Variants in SPAG16 observed in about 807,000 individuals in gnomAD.
The protein encoded by SPAG16 is sperm associated antigen 16, also known as sperm-associated antigen 16 protein.
A neutral mutation model predicts 80.4 loss-of-function variants in SPAG16; 86 were observed. That is an observed-to-expected ratio of 1.07 (90% CI 0.90 to 1.28). The LOEUF (loss-of-function observed/expected upper bound fraction) is 1.28. Among genes scored for constraint, SPAG16 ranks in the 50% most tolerant of loss-of-function variants. The pLI, the probability that SPAG16 is intolerant of heterozygous loss-of-function variation, is 0.00. For missense variants in SPAG16, 870 were observed against 765.3 expected (o/e 1.14, Z -1.61); for synonymous variants, 294 against 265.9 (o/e 1.11, Z -1.03).
intron 14 of SPAG16, among the ~76,000 whole-genome samples, chr2:214,133,130 A>T (rs796991049): frequency 2.2e-4 from 1 of 4,494 alleles, no homozygotes; most frequent in African/African-American, 2.5e-4. Flanking sequence ...AAATAATAAT[A>T]AAAAAAAAAC....
intron 10 of SPAG16, among the ~76,000 whole-genome samples, chr2:213,551,318 A>AT (rs896942643): frequency 2.6e-5 from 4 of 152,070 alleles, no homozygotes; most frequent in Admixed American, 6.6e-5. Context: ...GTGATATGTG[A>AT]TTTTTCACTG....
intron 10 of SPAG16, among the ~76,000 whole-genome samples, chr2:213,637,979 G>A (rs1351507793): frequency 1.3e-5 from 2 of 152,088 alleles, no homozygotes; most frequent in Admixed American, 1.3e-4. Flanking sequence ...GGATGGTCTC[G>A]ATTTCCTGAC....
intron 10 of SPAG16, among the ~76,000 whole-genome samples, chr2:213,564,495 A>C (rs1575992204): frequency 8.2e-6 from 1 of 122,086 alleles, no homozygotes; most frequent in African/African-American, 3.5e-5. Flanking sequence ...ACTCTGTCTT[A>C]AAAAAAAAAA....
intron 11 of SPAG16, among the ~76,000 whole-genome samples, chr2:213,864,247 T>C (rs947354096): frequency 5.9e-5 from 9 of 152,296 alleles, no homozygotes; most frequent in East Asian, 5.8e-4. Context: ...ATAGTGTTGA[T>C]AGATTAAAAG....
chr2:214,321,487 A>G (rs748739364), intron 15 of SPAG16, among the ~76,000 whole-genome samples: 4 of 152,224 alleles, frequency 2.6e-5, no homozygotes, highest in Non-Finnish European at 4.4e-5. Flanking sequence ...TGTGCGTTCA[A>G]CCTACACAGT....
At chr2:214,324,051 A>C (rs1576781421) in intron 15 of SPAG16, among the ~76,000 whole-genome samples, 1 of 152,358 alleles carries the variant, frequency 6.6e-6, no homozygotes, top group East Asian at 1.9e-4. Flanking sequence ...ACCTTTAATT[A>C]ATGAATGCAT....
intron 9 of SPAG16, among the ~76,000 whole-genome samples, chr2:213,398,242 T>C (rs1559089574): frequency 6.6e-6 from 1 of 152,160 alleles, no homozygotes; most frequent in Non-Finnish European, 1.5e-5. Flanking sequence ...CTTTTGTCTT[T>C]ACTTTTCTTC....
At chr2:213,775,745 T>G (rs2069536227) in intron 10 of SPAG16, among the ~76,000 whole-genome samples, 1 of 152,256 alleles carries the variant, frequency 6.6e-6, no homozygotes, top group African/African-American at 2.4e-5. Flanking sequence ...TCTTGCAACT[T>G]TCTACATCTT....
chr2:213,999,904 G>C (rs2046708126), intron 12 of SPAG16, among the ~76,000 whole-genome samples: 1 of 152,174 alleles, frequency 6.6e-6, no homozygotes, highest in African/African-American at 2.4e-5. Flanking sequence ...CCATTTGGAA[G>C]GGCTGTATTT....
chr2:214,161,793 G>A (rs1259488572), intron 15 of SPAG16, among the ~76,000 whole-genome samples: 1 of 151,926 alleles, frequency 6.6e-6, no homozygotes. Context: ...TTTTACCTGT[G>A]TAACAAACCT....
intron 11 of SPAG16, among the ~76,000 whole-genome samples, chr2:213,872,714 A>G (rs917011876): frequency 1.3e-5 from 2 of 152,110 alleles, no homozygotes; most frequent in Non-Finnish European, 2.9e-5. Context: ...GTATGATGTT[A>G]GTTGTGGGAT....
chr2:213,808,813 T>C (rs1257573526), intron 10 of SPAG16, among the ~76,000 whole-genome samples: 1 of 152,170 alleles, frequency 6.6e-6, no homozygotes, highest in East Asian at 1.9e-4. Context: ...CAGAAAAGTG[T>C]CTAATGATCT....
chr2:214,126,037 TCCTTCCTTCCTTCCTTCC>T (rs2054471977), intron 14 of SPAG16, among the ~76,000 whole-genome samples: 1 of 48,452 alleles, frequency 2.1e-5, no homozygotes, highest in Non-Finnish European at 4.0e-5. Context: ...CTTCCTTCCT[TCCTTCCTTCCTTCCTTCC>T]TTCCTTTTTT....
intron 15 of SPAG16, among the ~76,000 whole-genome samples, chr2:214,217,715 T>C (rs1576520143): frequency 6.6e-6 from 1 of 152,346 alleles, no homozygotes; most frequent in East Asian, 1.9e-4. Flanking sequence ...ACTTTCATGT[T>C]CTCATCTGAA....
intron 15 of SPAG16, among the ~76,000 whole-genome samples, chr2:214,190,381 C>G (rs1214267543): frequency 2.0e-5 from 3 of 152,098 alleles, no homozygotes; most frequent in Non-Finnish European, 4.4e-5. Flanking sequence ...CTTCAATTTT[C>G]TTCTTCATAT....
intron 15 of SPAG16, among the ~76,000 whole-genome samples, chr2:214,297,512 G>A (rs926563273): frequency 6.6e-6 from 1 of 151,962 alleles, no homozygotes; most frequent in African/African-American, 2.4e-5. Flanking sequence ...GAGAGGTATG[G>A]GTCCAGTTTC....
At chr2:213,370,559 T>C (rs115373008) in intron 8 of SPAG16, among the ~76,000 whole-genome samples, 2,254 of 148,264 alleles carry the variant, frequency 0.015, 29 homozygotes, top group South Asian at 0.038. Context: ...AATGACTAAA[T>C]AGTCTGAAAA....
At chr2:213,296,260 T>A in intron 2 of SPAG16, 150 bp downstream of exon 2, 2 of 561,562 alleles carry the variant, frequency 3.6e-6, no homozygotes, top group Admixed American at 6.4e-5. Flanking sequence ...ATCAGCTGAT[T>A]AAGAATGAGA....
chr2:214,263,053 C>G (rs1036587083), intron 15 of SPAG16, among the ~76,000 whole-genome samples: 1 of 151,108 alleles, frequency 6.6e-6, no homozygotes, highest in East Asian at 1.9e-4. Flanking sequence ...TTCATAGTTA[C>G]CTTTTATTCT....
Sources: gnomAD v4.1 joint callset for allele counts (sites outside exome capture counted in the v4.1 genomes callset) on GRCh38, gnomAD v4.1.1 for gene constraint, MANE v1.5 for transcripts, NCBI Gene and HGNC (gene_info 2026-07-23, HGNC 2026-07-21) for gene names.